The following PPP3CC variants were observed in gnomAD, a reference collection of about 807,000 sequenced individuals.
PPP3CC encodes the protein serine/threonine-protein phosphatase 2B catalytic subunit gamma isoform.
PPP3CC carries 35 observed loss-of-function variants against 60.3 expected under a neutral mutation model. That is an observed-to-expected ratio of 0.58 (90% CI 0.44 to 0.77). The LOEUF (loss-of-function observed/expected upper bound fraction) is 0.77. Ranked by LOEUF, PPP3CC falls within the 30% of genes least tolerant of loss-of-function variation. The pLI is 0.00. For missense variants in PPP3CC, 570 were observed against 628.9 expected (o/e 0.91, Z 1.00); for synonymous variants, 206 against 224.3 (o/e 0.92, Z 0.73).
intron 12 of PPP3CC, 54 bp from the exon 13 acceptor site, chr8:22,539,415 C>CCA: frequency 6.2e-7 from 1 of 1,604,232 alleles, no homozygotes; most frequent in Non-Finnish European, 8.5e-7. Context: ...TGTTGGTTTA[C>CCA]TCACTCTTTT....
Position 22,452,033 on chromosome 8 carries a change from T to TTA in PPP3CC, c.49+10575_49+10576insTA, listed in dbSNP as rs1554527509. 5.3e-5 allele frequency among the ~76,000 whole-genome samples: 8 copies of TTA among 151,384 alleles called. No homozygotes were observed. The East Asian group carries it at 9.7e-4, about 18-fold the overall frequency. On this transcript the variant is annotated intron_variant, in intron 1 of 13. Coordinates refer to ENST00000240139, the MANE Select transcript of PPP3CC (RefSeq NM_005605.5). ...TGTGCATAATGGTTTTTTTTTTTTT[T>TTA]AACAGTTTTAGAGATAAGGCCTCAC...
chr8:22,517,705 G>A (rs1839290856), intron 6 of PPP3CC, among the ~76,000 whole-genome samples: 1 of 152,004 alleles, frequency 6.6e-6, no homozygotes, highest in South Asian at 2.1e-4. Context: ...CTATTGTAAT[G>A]TCTCCTCTTT....
intron 3 of PPP3CC, among the ~76,000 whole-genome samples, chr8:22,478,390 T>G (rs1837963029): frequency 1.3e-5 from 2 of 152,190 alleles, no homozygotes; most frequent in African/African-American, 4.8e-5. Context: ...GAACTCGTTA[T>G]CCACCCACCT....
chr8:22,511,337 T>G, intron 5 of PPP3CC, 106 bp downstream of exon 5: 7 of 1,194,244 alleles, frequency 5.9e-6, no homozygotes, highest in Non-Finnish European at 8.2e-6. Flanking sequence ...TCACCCGGGC[T>G]GAAGTACAGT....
intron 4 of PPP3CC, among the ~76,000 whole-genome samples, chr8:22,502,624 G>A (rs1838794560): frequency 6.6e-6 from 1 of 152,016 alleles, no homozygotes; most frequent in Non-Finnish European, 1.5e-5. Flanking sequence ...GGAATTCAAG[G>A]CTGCAGTCAG....
At chr8:22,495,173 TC>T (rs1275808063) in intron 3 of PPP3CC, among the ~76,000 whole-genome samples, 5 of 152,194 alleles carry the variant, frequency 3.3e-5, no homozygotes, top group Non-Finnish European at 7.3e-5. Context: ...GGTCTTAAAC[TC>T]CTGGTCTCAA....
chr8:22,493,165 T>C, intron 3 of PPP3CC: 1 of 1,294,804 alleles, frequency 7.7e-7, no homozygotes, highest in Non-Finnish European at 1.1e-6. Flanking sequence ...TGGGAGCTGC[T>C]ATTTTATATT....
chr8:22,474,087 GT>G (rs1269539648), intron 1 of PPP3CC, among the ~76,000 whole-genome samples: 1 of 151,718 alleles, frequency 6.6e-6, no homozygotes, highest in African/African-American at 2.4e-5. Context: ...TAGAGGTGGA[GT>G]TTTGCCATGT....
At chr8:22,490,598 C>T (rs1838373131) in intron 3 of PPP3CC, among the ~76,000 whole-genome samples, 1 of 127,114 alleles carries the variant, frequency 7.9e-6, no homozygotes, top group Non-Finnish European at 1.6e-5. Flanking sequence ...GCTATGCCTC[C>T]CCCCTCCCCC....
chr8:22,456,516 C>A (rs1879792), intron 1 of PPP3CC, among the ~76,000 whole-genome samples: 79,643 of 151,988 alleles, frequency 0.52, 21,490 homozygotes, highest in East Asian at 0.69. Context: ...TCTCTTTGCC[C>A]GTGTCAGTAT....
rs116112145 is a variant in PPP3CC, at chr8:22,443,089, C to T, written c.49+1631C>T. Among the ~76,000 whole-genome samples the T allele has an allele frequency of 6.5e-3, 984 of 152,226 alleles. 9 individuals are homozygous for T. The highest frequency in any genetic ancestry group is 0.021 in the African/African-American group (872 of 41,502). On this transcript the variant is annotated intron_variant, in intron 1 of 13. Transcript: ENST00000240139. ...AGCTTAGTGCAGCCCTCAGGAATCT[C>T]ACAATCAAATCACCATTGTGCCATG...
At chr8:22,492,988 C>G (rs1163429174) in intron 3 of PPP3CC, 4 of 1,271,962 alleles carry the variant, frequency 3.1e-6, no homozygotes, top group Non-Finnish European at 4.6e-6. Flanking sequence ...CCCAAACAGT[C>G]TGTGAATGGA....
At position 22,470,085 on chromosome 8, in the gene PPP3CC, CAT is replaced by C. The variant is rs1491414691; in HGVS notation, c.50-4867_50-4866del. 1.3e-3 allele frequency among the ~76,000 whole-genome samples: 202 copies of C among 149,672 alleles called. 2 individuals are homozygous for C. The South Asian group carries it at 0.021, about 16-fold the overall frequency. On this transcript the variant is annotated intron_variant, in intron 1 of 13. Coordinates refer to ENST00000240139, the MANE Select transcript of PPP3CC (RefSeq NM_005605.5). ...ACACACACACACACACACACACACA[CAT>C]ACATATATATATGTTCTCTGCTGTA...
chr8:22,464,609 T>C (rs186889175), intron 1 of PPP3CC, among the ~76,000 whole-genome samples: 217 of 152,302 alleles, frequency 1.4e-3, no homozygotes, highest in African/African-American at 4.3e-3. Context: ...CTCGAACTCC[T>C]GAGCTCAAGC....
chr8:22,489,565 A>G (rs989092665), intron 3 of PPP3CC, among the ~76,000 whole-genome samples: 4 of 143,978 alleles, frequency 2.8e-5, no homozygotes, highest in Non-Finnish European at 6.0e-5. Flanking sequence ...GAGGTACAGC[A>G]TATATATATA....
chr8:22,496,685 C>G (rs553942163), intron 3 of PPP3CC, among the ~76,000 whole-genome samples: 2 of 150,714 alleles, frequency 1.3e-5, no homozygotes, highest in Non-Finnish European at 1.5e-5. Flanking sequence ...TTTAGTGAGA[C>G]GGGGTTTCAC....
intron 1 of PPP3CC, among the ~76,000 whole-genome samples, chr8:22,474,621 T>C (rs1252644191): frequency 6.6e-6 from 1 of 152,162 alleles, no homozygotes; most frequent in Non-Finnish European, 1.5e-5. Flanking sequence ...GAAGAATCGC[T>C]TGAACTCAGG....
Position 22,528,565 on chromosome 8 carries a change from G to A in PPP3CC, c.1129G>A (p.Asp377Asn). ...CTCTGATGACGAACTGATTTCTGAT[G>A]ATGAAGCAGAAGGTAAACTTTTCCT... ...ICSDDELISD[D>N]EAEGSTTVRK... Residue 377 changes from aspartate (D) to asparagine (N), a missense_variant, in exon 10 of 14, where the codon GAT becomes AAT. Asp to Asn is a conservative substitution (Grantham distance 23). Coordinates refer to ENST00000240139, the MANE Select transcript of PPP3CC (RefSeq NM_005605.5). The A allele has an allele frequency of 6.5e-7, 1 of 1,548,534 alleles. No individual in the cohort carries two copies. Among genetic ancestry groups the A allele is most frequent in the Non-Finnish European group, 8.8e-7 (1 of 1,141,796 alleles).
intron 3 of PPP3CC, among the ~76,000 whole-genome samples, chr8:22,484,117 G>C (rs753718856): frequency 6.6e-6 from 1 of 151,956 alleles, no homozygotes; most frequent in Non-Finnish European, 1.5e-5. Flanking sequence ...AAAGTGCTAG[G>C]ATTACAGGCA....
Sources: gnomAD v4.1 joint callset for allele counts (sites outside exome capture counted in the v4.1 genomes callset) on GRCh38, gnomAD v4.1.1 for gene constraint, MANE v1.5 for transcripts, NCBI Gene and HGNC (gene_info 2026-07-23, HGNC 2026-07-21) for gene names.